CCDC170: variants seen among roughly 807,000 people sequenced by gnomAD.
CCDC170 encodes coiled-coil domain containing 170.
In CCDC170, 69 loss-of-function variants were observed where a neutral mutation model predicts 72.6. That is an observed-to-expected ratio of 0.95 (90% CI 0.78 to 1.16). CCDC170 has a LOEUF of 1.16. CCDC170 is among the 50% of genes most tolerant of loss of function. The pLI is 0.00. For synonymous variants in CCDC170, 300 were observed against 303.9 expected, an observed-to-expected ratio of 0.99 and a Z score of 0.13; for missense variants, 852 against 832.5, an observed-to-expected ratio of 1.02 and a Z score of -0.29.
chr6:151,513,919 C>CAAAAAAAAAA (rs58387477), intron 1 of CCDC170, among the ~76,000 whole-genome samples: 1 of 51,198 alleles, frequency 2.0e-5, no homozygotes, highest in African/African-American at 6.7e-5. Flanking sequence ...GACCCTGTCT[C>CAAAAAAAAAA]AAAAAAAAAA....
intron 6 of CCDC170, among the ~76,000 whole-genome samples, chr6:151,578,977 A>AG (rs1554224483): frequency 6.6e-6 from 1 of 152,132 alleles, no homozygotes; most frequent in Non-Finnish European, 1.5e-5. Context: ...TTAGGGCATT[A>AG]TGACTTTACT....
intron 3 of CCDC170, among the ~76,000 whole-genome samples, chr6:151,538,836 C>T (rs1401579772): frequency 1.3e-5 from 2 of 152,130 alleles, no homozygotes; most frequent in African/African-American, 2.4e-5. Context: ...TAAAATTCTA[C>T]GAATGAGTTA....
chr6:151,558,122 C>T (rs1000119207), intron 5 of CCDC170, among the ~76,000 whole-genome samples: 2 of 151,916 alleles, frequency 1.3e-5, no homozygotes, highest in East Asian at 1.9e-4. Context: ...ATAAATAAAC[C>T]TTTGGCCATT....
chr6:151,548,625 C>A, intron 5 of CCDC170, 136 bp downstream of exon 5: 2 of 695,880 alleles, frequency 2.9e-6, no homozygotes, highest in African/African-American at 1.8e-5. Context: ...AGAGCCTGCA[C>A]TCAGCAGGAG....
At chr6:151,609,837 C>T (rs778416779) in intron 9 of CCDC170, among the ~76,000 whole-genome samples, 1 of 152,186 alleles carries the variant, frequency 6.6e-6, no homozygotes, top group Non-Finnish European at 1.5e-5. Flanking sequence ...TTCCTGGGAA[C>T]AAAGATTGAG....
intron 5 of CCDC170, among the ~76,000 whole-genome samples, chr6:151,550,393 G>C (rs4870039): frequency 0.61 from 92,656 of 152,010 alleles, 30,562 homozygotes; most frequent in Admixed American, 0.72. Context: ...AGAAGGAGTT[G>C]CCTTTTCAGG....
rs1006184761 is a variant in CCDC170 at position 151,534,233 on chromosome 6, T to G, written c.58-2085T>G. On this transcript the variant is annotated intron_variant, in intron 1 of 10. Coordinates refer to ENST00000239374, the MANE Select transcript of CCDC170 (RefSeq NM_025059.4). ...GAACATGCCACCACGCCCAGCTAAT[T>G]TTTTGTAGAGATGGGGTCTCACTGT... Among the ~76,000 whole-genome samples the G allele has an allele frequency of 2.6e-5, 4 of 151,938 alleles. No homozygotes were observed. The South Asian group carries it at 6.2e-4, about 24-fold the overall frequency.
At chr6:151,510,924 TG>T (rs1782137845) in intron 1 of CCDC170, among the ~76,000 whole-genome samples, 1 of 151,978 alleles carries the variant, frequency 6.6e-6, no homozygotes, top group East Asian at 1.9e-4. Context: ...TTAGTAGAGA[TG>T]GGGTTTCACT....
chr6:151,579,981 T>C (rs970050225), intron 6 of CCDC170, among the ~76,000 whole-genome samples: 2 of 152,236 alleles, frequency 1.3e-5, no homozygotes, highest in Admixed American at 6.5e-5. Flanking sequence ...CAGGGCTATC[T>C]GACTCCAAAG....
chr6:151,581,118 G>T (rs1255476705), intron 6 of CCDC170, among the ~76,000 whole-genome samples: 1 of 152,182 alleles, frequency 6.6e-6, no homozygotes, highest in African/African-American at 2.4e-5. Flanking sequence ...TGAAGGTTGG[G>T]TGGCTGTGGC....
At chr6:151,616,990 G>T (rs1776978420) in intron 10 of CCDC170, among the ~76,000 whole-genome samples, 1 of 152,194 alleles carries the variant, frequency 6.6e-6, no homozygotes. Flanking sequence ...AATTCAAACT[G>T]TAATAGCTAA....
At chr6:151,586,914 AGCTGAGATTACAGGCGCCC>A (rs889068197) in intron 7 of CCDC170, among the ~76,000 whole-genome samples, 4 of 151,946 alleles carry the variant, frequency 2.6e-5, no homozygotes, top group Admixed American at 2.6e-4. Context: ...CCTCCCAAGT[AGCTGAGATTACAGGCGCCC>A]GCCACCACGC....
intron 6 of CCDC170, among the ~76,000 whole-genome samples, chr6:151,580,907 T>G (rs976550552): frequency 6.6e-6 from 1 of 152,166 alleles, no homozygotes; most frequent in African/African-American, 2.4e-5. Context: ...CATATAAAAG[T>G]TATGTTTATA....
intron 5 of CCDC170, among the ~76,000 whole-genome samples, chr6:151,553,429 A>T (rs1050629002): frequency 6.6e-6 from 1 of 152,180 alleles, no homozygotes; most frequent in African/African-American, 2.4e-5. Context: ...TCAGTGAGTA[A>T]TTTTAATTCA....
intron 1 of CCDC170, among the ~76,000 whole-genome samples, chr6:151,535,011 C>T (rs1782554010): frequency 6.7e-6 from 1 of 149,784 alleles, no homozygotes; most frequent in Non-Finnish European, 1.5e-5. Flanking sequence ...AGATATCCAA[C>T]CTCAGTAATA....
At chr6:151,536,144 G>A in intron 1 of CCDC170, 174 bp from the exon 2 acceptor site, 1 of 662,248 alleles carries the variant, frequency 1.5e-6, no homozygotes, top group Non-Finnish European at 2.5e-6. Flanking sequence ...GCTTCCCTTT[G>A]AACTTTGAGA....
chr6:151,541,246 T>C (rs1293617176), intron 3 of CCDC170, among the ~76,000 whole-genome samples: 1 of 152,228 alleles, frequency 6.6e-6, no homozygotes, highest in Non-Finnish European at 1.5e-5. Flanking sequence ...AATTTACTCC[T>C]CTAATATCTC....
intron 1 of CCDC170, among the ~76,000 whole-genome samples, chr6:151,519,348 C>T (rs1415538831): frequency 1.3e-5 from 2 of 152,182 alleles, no homozygotes; most frequent in Non-Finnish European, 2.9e-5. Flanking sequence ...AAATATGGCT[C>T]TATTCTGCCC....
At chr6:151,578,482 A>G (rs1427254502) in intron 6 of CCDC170, among the ~76,000 whole-genome samples, 2 of 151,996 alleles carry the variant, frequency 1.3e-5, no homozygotes, top group African/African-American at 2.4e-5. Context: ...TTCGTGTCCA[A>G]ATTTCCCCTC....
Sources: allele counts gnomAD v4.1 joint callset (sites outside exome capture counted in the v4.1 genomes callset), GRCh38; gene constraint gnomAD v4.1.1; transcripts MANE v1.5; gene names NCBI Gene and HGNC (gene_info 2026-07-23, HGNC 2026-07-21).